Variants in PAMR1 observed in about 807,000 individuals in gnomAD.
The protein encoded by PAMR1 is peptidase domain containing associated with muscle regeneration 1, also known as inactive serine protease PAMR1.
PAMR1 carries 88 observed loss-of-function variants against 81.8 expected under a neutral mutation model. That is an observed-to-expected ratio of 1.08 (90% CI 0.91 to 1.28). The LOEUF is 1.28. Among genes scored for constraint, PAMR1 ranks in the 50% most tolerant of loss-of-function variants. PAMR1 has a pLI of 0.00. For synonymous variants in PAMR1, 336 were observed against 345.3 expected (o/e 0.97, Z 0.30); for missense variants, 935 against 919.7 (o/e 1.02, Z -0.21).
At chr11:35,525,659 G>A, upstream of PAMR1, 7 of 1,309,252 alleles carry the variant, frequency 5.3e-6, no homozygotes, top group South Asian at 2.5e-5. Context: ...GGGCAGGCGG[G>A]TTTTACAGGG....
intron 1 of PAMR1, among the ~76,000 whole-genome samples, chr11:35,513,691 T>C (rs557578052): frequency 6.6e-6 from 1 of 152,246 alleles, no homozygotes; most frequent in Non-Finnish European, 1.5e-5. Context: ...GGACTCAGTC[T>C]GTGTGCATCA....
Position 35,480,837 on chromosome 11 carries a change from G to A in PAMR1, c.380-6093C>T, listed in dbSNP as rs368402859. On this transcript the variant is annotated intron_variant, in intron 3 of 10. Transcript: ENST00000619888. ...CCTGCATGCATTAGATATTTGTTCC[G>A]ATATTCTCCCTCCCCTCACTCCCCA... Among the ~76,000 whole-genome samples, 186 of 152,084 alleles carry A rather than the reference G, an allele frequency of 1.2e-3. 1 individual carries two copies. The highest frequency in any genetic ancestry group is 4.1e-3 in the African/African-American group (171 of 41,500).
chr11:35,484,443 G>A lies in PAMR1; in HGVS notation c.379+7602C>T, dbSNP rs186352094. ...AGCTTTCAGTAACTCCACCCTAGGC[G>A]ATTCCGCAGCTCCCCTGGAGGGCAG... On this transcript the variant is annotated intron_variant, in intron 3 of 10. Transcript: ENST00000619888. Among the ~76,000 whole-genome samples the A allele has an allele frequency of 1.4e-3, 220 of 152,330 alleles. 2 individuals carry two copies. Among genetic ancestry groups the A allele is most frequent in the Non-Finnish European group, 2.3e-3 (154 of 68,034 alleles).
intron 3 of PAMR1, among the ~76,000 whole-genome samples, chr11:35,475,212 G>A (rs1251220239): frequency 2.0e-5 from 3 of 152,126 alleles, no homozygotes; most frequent in Admixed American, 1.3e-4. Context: ...ATCCAGGCAG[G>A]AAATCAAGGC....
At chr11:35,478,111 C>T (rs1590356011) in intron 3 of PAMR1, among the ~76,000 whole-genome samples, 1 of 152,192 alleles carries the variant, frequency 6.6e-6, no homozygotes, top group South Asian at 2.1e-4. Context: ...ATCCTGCCAG[C>T]CTGCTCCCAG....
At chr11:35,522,145 A>G (rs1851297038) in intron 1 of PAMR1, among the ~76,000 whole-genome samples, 2 of 152,062 alleles carry the variant, frequency 1.3e-5, no homozygotes, top group Admixed American at 6.5e-5. Context: ...GATGGCCTCG[A>G]TCTCCTGACC....
chr11:35,503,627 T>C (rs1439233819), intron 1 of PAMR1, among the ~76,000 whole-genome samples: 6 of 152,146 alleles, frequency 3.9e-5, no homozygotes, highest in Non-Finnish European at 8.8e-5. Flanking sequence ...TTTATATTCT[T>C]TGTAGCTATT....
At chr11:35,438,828 G>C (rs1856104492) in intron 8 of PAMR1, among the ~76,000 whole-genome samples, 1 of 152,178 alleles carries the variant, frequency 6.6e-6, no homozygotes, top group South Asian at 2.1e-4. Context: ...AGACAGTCAG[G>C]GTGAAGATAG....
At chr11:35,472,426 G>T (rs575637551) in intron 4 of PAMR1, among the ~76,000 whole-genome samples, 16 of 152,206 alleles carry the variant, frequency 1.1e-4, no homozygotes, top group Non-Finnish European at 2.2e-4. Flanking sequence ...GCATAGCAGT[G>T]CCCCAGCTAC....
intron 1 of PAMR1, among the ~76,000 whole-genome samples, chr11:35,497,515 CTAAT>C (rs1850749450): frequency 6.6e-6 from 1 of 152,204 alleles, no homozygotes. Flanking sequence ...TCACAGGAAT[CTAAT>C]TAACGCCACA....
intron 6 of PAMR1, among the ~76,000 whole-genome samples, chr11:35,443,897 C>T (rs907715845): frequency 3.3e-5 from 5 of 152,224 alleles, no homozygotes; most frequent in African/African-American, 4.8e-5. Context: ...CTCGCCATTG[C>T]GACTGGCATG....
chr11:35,436,948 A>G (rs1297662372), intron 8 of PAMR1, among the ~76,000 whole-genome samples: 1 of 152,174 alleles, frequency 6.6e-6, no homozygotes, highest in Non-Finnish European at 1.5e-5. Context: ...ATAATGGGGC[A>G]ATATTAGGAA....
At position 35,464,515 on chromosome 11, in the gene PAMR1, G is replaced by C. The variant is rs561120919; in HGVS notation, c.820+3486C>G. Among the ~76,000 whole-genome samples, 8 of 152,294 alleles carry C rather than the reference G, an allele frequency of 5.3e-5. No homozygotes were observed. In the South Asian group the frequency reaches 1.2e-3, roughly 24 times the overall value. ...CAGCATCACTGGCCTCTACCCACTA[G>C]ATGCCAGCAGCACACCACCTCACTC... On this transcript the variant is annotated intron_variant, in intron 6 of 10. Coordinates refer to ENST00000619888, the MANE Select transcript of PAMR1 (RefSeq NM_001001991.3).
chr11:35,507,867 G>C (rs1850997757), intron 1 of PAMR1, among the ~76,000 whole-genome samples: 1 of 146,134 alleles, frequency 6.8e-6, no homozygotes, highest in African/African-American at 2.5e-5. Flanking sequence ...GCCCAGATTT[G>C]CCTTGGCTCT....
chr11:35,518,174 C>G (rs1851203116), intron 1 of PAMR1, among the ~76,000 whole-genome samples: 1 of 150,424 alleles, frequency 6.6e-6, no homozygotes, highest in African/African-American at 2.5e-5. Context: ...GGCAAAAAGC[C>G]AGACCAAAAA....
intron 6 of PAMR1, among the ~76,000 whole-genome samples, chr11:35,460,690 C>T (rs1194798880): frequency 3.9e-5 from 6 of 152,110 alleles, no homozygotes; most frequent in Non-Finnish European, 8.8e-5. Flanking sequence ...TTCCATGGTG[C>T]ATATGTGCCA....
At chr11:35,457,601 A>G (rs1433669495) in intron 6 of PAMR1, among the ~76,000 whole-genome samples, 1 of 152,158 alleles carries the variant, frequency 6.6e-6, no homozygotes, top group Non-Finnish European at 1.5e-5. Context: ...CCTCAAGGAA[A>G]CACCTTCATG....
At chr11:35,438,086 G>A (rs368684920) in intron 8 of PAMR1, among the ~76,000 whole-genome samples, 14 of 152,118 alleles carry the variant, frequency 9.2e-5, no homozygotes, top group African/African-American at 2.9e-4. Flanking sequence ...TGAATTATGC[G>A]TGCAAGGTAC....
At chr11:35,464,587 C>T (rs926328411) in intron 6 of PAMR1, among the ~76,000 whole-genome samples, 4 of 152,018 alleles carry the variant, frequency 2.6e-5, no homozygotes, top group African/African-American at 7.3e-5. Context: ...GCCAAATGTC[C>T]CCTGTGAGTA....
Sources: allele counts gnomAD v4.1 joint callset (sites outside exome capture counted in the v4.1 genomes callset), GRCh38; gene constraint gnomAD v4.1.1; transcripts MANE v1.5; gene names NCBI Gene and HGNC (gene_info 2026-07-23, HGNC 2026-07-21).